HYDIN: variants seen among roughly 807,000 people sequenced by gnomAD.
HYDIN encodes axonemal central pair apparatus protein HYDIN.
HYDIN carries 132 observed loss-of-function variants against 403.9 expected under a neutral mutation model. The ratio of observed to expected loss-of-function variants is 0.33; its 90% CI spans 0.28 to 0.38. HYDIN has a LOEUF of 0.38. Among genes scored for constraint, HYDIN ranks in the 10% least tolerant of loss-of-function variants. HYDIN has a pLI of 1.00. For missense variants in HYDIN, 2,827 were observed against 5,009.5 expected, an observed-to-expected ratio of 0.56 and a Z score of 13.15; for synonymous variants, 1,202 against 1,891.7, an observed-to-expected ratio of 0.64 and a Z score of 9.46.
At chr16:71,083,715 G>A (rs1291175643) in intron 12 of HYDIN, among the ~76,000 whole-genome samples, 1 of 152,124 alleles carries the variant, frequency 6.6e-6, no homozygotes, top group Non-Finnish European at 1.5e-5. Context: ...ACATTGTTAA[G>A]TGCCTGCCAC....
intron 4 of HYDIN, among the ~76,000 whole-genome samples, chr16:71,178,688 AAGTT>A (rs1436318164): frequency 1.3e-5 from 2 of 152,008 alleles, no homozygotes; most frequent in African/African-American, 2.4e-5. Context: ...TAATCAACAA[AAGTT>A]AGTGCACACG....
At chr16:71,229,467 T>C (rs538187170) in intron 1 of HYDIN, among the ~76,000 whole-genome samples, 67 of 152,336 alleles carry the variant, frequency 4.4e-4, no homozygotes, top group Non-Finnish European at 8.2e-4. Context: ...GGAATATTTA[T>C]AACAGTTTTA....
At chr16:71,071,103 T>C (rs1436549775) in intron 13 of HYDIN, among the ~76,000 whole-genome samples, 1 of 147,144 alleles carries the variant, frequency 6.8e-6, no homozygotes, top group Non-Finnish European at 1.5e-5. Flanking sequence ...CTTAGCCTTA[T>C]TTGATCTGAC....
intron 11 of HYDIN, among the ~76,000 whole-genome samples, chr16:71,092,199 T>G (rs2083128414): frequency 6.6e-6 from 1 of 152,162 alleles, no homozygotes; most frequent in Non-Finnish European, 1.5e-5. Context: ...CCTCTTTTAC[T>G]GTGCAGACAG....
intron 45 of HYDIN, among the ~76,000 whole-genome samples, chr16:70,925,218 C>T (rs909453225): frequency 3.3e-5 from 5 of 152,138 alleles, no homozygotes; most frequent in African/African-American, 1.2e-4. Flanking sequence ...GGCATGGTGG[C>T]TCATGCCTGT....
intron 43 of HYDIN, among the ~76,000 whole-genome samples, chr16:70,940,507 G>A (rs938871969): frequency 2.0e-5 from 3 of 151,716 alleles, no homozygotes; most frequent in African/African-American, 7.3e-5. Context: ...TACCATCTTA[G>A]GACATTTCAA....
intron 18 of HYDIN, among the ~76,000 whole-genome samples, chr16:71,046,455 G>A (rs569213330): frequency 5.3e-5 from 8 of 151,544 alleles, no homozygotes; most frequent in Non-Finnish European, 1.2e-4. Context: ...CTTCCCTCCC[G>A]GATGCATCCC....
intron 75 of HYDIN, among the ~76,000 whole-genome samples, chr16:70,846,336 A>G (rs1433828910): frequency 6.6e-6 from 1 of 150,700 alleles, no homozygotes; most frequent in East Asian, 1.9e-4. Context: ...TTCAGTTTCC[A>G]TGTAGTTGAG....
At chr16:71,146,383 A>AG (rs1232958087) in intron 7 of HYDIN, among the ~76,000 whole-genome samples, 1 of 119,938 alleles carries the variant, frequency 8.3e-6, no homozygotes, top group Non-Finnish European at 1.6e-5. Context: ...AGATCCAGAG[A>AG]GAAAAAAAAT....
At chr16:71,126,594 A>T (rs1269897956) in intron 9 of HYDIN, among the ~76,000 whole-genome samples, 2 of 150,420 alleles carry the variant, frequency 1.3e-5, no homozygotes, top group Non-Finnish European at 3.0e-5. Context: ...ATCGAGGCTG[A>T]TGACTGCTCC....
In HYDIN at chr16:71,230,665, T is replaced by C; in HGVS notation, c.-127A>G. 6.5e-7 allele frequency: 1 copy of C among 1,536,060 alleles called. No individual in the cohort carries two copies. Among genetic ancestry groups the C allele is most frequent in the South Asian group, 1.2e-5 (1 of 84,052 alleles). On this transcript the variant is annotated 5_prime_UTR_variant, in exon 1 of 86. Transcript: ENST00000393567. Reference sequence around the variant, plus strand: ...GCCGCTGAGGGGCTCCATACCCAGCTTGAAGCCGCCCGCACTCTCCATGCG... The same window carrying C: ...GCCGCTGAGGGGCTCCATACCCAGCCTGAAGCCGCCCGCACTCTCCATGCG...
At chr16:71,175,941 T>C in intron 4 of HYDIN, 200 bp from the exon 5 acceptor site, 2 of 625,926 alleles carry the variant, frequency 3.2e-6, no homozygotes, top group East Asian at 2.9e-5. Flanking sequence ...CTTTCATTTT[T>C]ATTAACATTA....
chr16:70,836,470 G>T (rs551285903), intron 77 of HYDIN, among the ~76,000 whole-genome samples: 2 of 152,348 alleles, frequency 1.3e-5, no homozygotes, highest in East Asian at 3.9e-4. Flanking sequence ...CTTGAAGAGG[G>T]CAAGAAAGAA....
At chr16:71,097,543 C>T (rs1192455001) in intron 10 of HYDIN, among the ~76,000 whole-genome samples, 1 of 147,384 alleles carries the variant, frequency 6.8e-6, no homozygotes, top group Non-Finnish European at 1.5e-5. Context: ...ATTTATGAAA[C>T]ATTTCCAGAA....
chr16:71,115,064 G>C (rs1291218198), intron 10 of HYDIN, among the ~76,000 whole-genome samples: 2 of 150,698 alleles, frequency 1.3e-5, no homozygotes, highest in Non-Finnish European at 3.0e-5. Context: ...TGCTCTAAGA[G>C]CCATGGTCCC....
At chr16:70,868,504 A>G in intron 66 of HYDIN, 66 bp downstream of exon 66, 8 of 1,514,054 alleles carry the variant, frequency 5.3e-6, no homozygotes, top group Non-Finnish European at 7.1e-6. Flanking sequence ...ATGATGAGGG[A>G]CTTGAGACCA....
At chr16:70,966,734 C>T (rs1298426744) in intron 36 of HYDIN, among the ~76,000 whole-genome samples, 3 of 151,928 alleles carry the variant, frequency 2.0e-5, no homozygotes, top group South Asian at 4.2e-4. Context: ...TAAATGGTTA[C>T]GAATGTTTGA....
intron 1 of HYDIN, among the ~76,000 whole-genome samples, chr16:71,206,484 CAACGCAA>C: frequency 6.6e-6 from 1 of 152,170 alleles, no homozygotes; most frequent in Non-Finnish European, 1.5e-5. Flanking sequence ...GAGAGAGAAC[CAACGCAA>C]GAACTCCAGC....
chr16:71,107,221 C>A (rs1295974300), intron 10 of HYDIN, among the ~76,000 whole-genome samples: 2 of 151,374 alleles, frequency 1.3e-5, no homozygotes, highest in Non-Finnish European at 2.9e-5. Flanking sequence ...ATGGGTGCAG[C>A]CCACCAACAT....
Sources: gnomAD v4.1 joint callset for allele counts (sites outside exome capture counted in the v4.1 genomes callset) on GRCh38, gnomAD v4.1.1 for gene constraint, MANE v1.5 for transcripts, NCBI Gene and HGNC (gene_info 2026-07-23, HGNC 2026-07-21) for gene names.